Variants in C1orf146 observed in about 807,000 individuals in gnomAD.
The protein encoded by C1orf146 is chromosome 1 open reading frame 146, also known as protein SPO16 homolog.
Under a neutral mutation model 23.0 loss-of-function variants are expected in C1orf146, and 22 were observed. The observed-to-expected ratio is 0.96, with a 90% CI of 0.68 to 1.36. The LOEUF (loss-of-function observed/expected upper bound fraction) is 1.36. Among genes scored for constraint, C1orf146 ranks in the 40% most tolerant of loss-of-function variants. The probability of loss-of-function intolerance (pLI) is 0.00; values close to 1 mark genes in which losing one functional copy is unlikely to be tolerated. For missense variants in C1orf146, 199 were observed against 206.8 expected (o/e 0.96, Z 0.23); for synonymous variants, 59 against 65.3 (o/e 0.90, Z 0.47).
intron 1 of C1orf146, among the ~76,000 whole-genome samples, chr1:92,221,495 A>G (rs77066236): frequency 0.02 from 2,973 of 152,310 alleles, 120 homozygotes; most frequent in African/African-American, 0.067. Context: ...AAAAGTTGAA[A>G]TTTAAAAAGA....
rs146144941 is a variant in C1orf146 at position 92,222,338 on chromosome 1, A to ATG, written c.-40+4294_-40+4295dup. 2.7e-3 allele frequency among the ~76,000 whole-genome samples: 411 copies of ATG among 152,266 alleles called. 1 individual carries two copies. The highest frequency in any genetic ancestry group is 8.9e-3 in the African/African-American group (370 of 41,550). ...TGTATATATAACATATACAACATGC[A>ATG]TGTGTATATATAATGTAACATGCAT... On this transcript the variant is annotated intron_variant, in intron 1 of 5. Transcript: ENST00000370375.
chr1:92,234,866 C>T (rs894897518), intron 2 of C1orf146, among the ~76,000 whole-genome samples: 11 of 152,170 alleles, frequency 7.2e-5, no homozygotes, highest in Admixed American at 2.6e-4. Flanking sequence ...AGGAATTTAT[C>T]CATTTATTCT....
chr1:92,229,408 C>T (rs991433825), intron 1 of C1orf146: 4 of 532,646 alleles, frequency 7.5e-6, no homozygotes, highest in African/African-American at 1.9e-5. Context: ...ATGACCTGGC[C>T]GTCGGGCAGC....
At chr1:92,238,256 A>G (rs1488220555) in intron 2 of C1orf146, among the ~76,000 whole-genome samples, 2 of 152,294 alleles carry the variant, frequency 1.3e-5, no homozygotes, top group East Asian at 1.9e-4. Context: ...AGTTTTAAAT[A>G]TTATTAATAG....
At chr1:92,231,085 C>T (rs916498169) in intron 1 of C1orf146, among the ~76,000 whole-genome samples, 1 of 152,174 alleles carries the variant, frequency 6.6e-6, no homozygotes, top group Non-Finnish European at 1.5e-5. Flanking sequence ...CTCTGGCAGG[C>T]TAACTTTTTA....
chr1:92,243,107 C>T (rs1438011428), intron 3 of C1orf146, among the ~76,000 whole-genome samples: 1 of 152,146 alleles, frequency 6.6e-6, no homozygotes, highest in East Asian at 1.9e-4. Flanking sequence ...ATTTATCCTT[C>T]TGACAAATCT....
chr1:92,244,694 T>G, intron 4 of C1orf146, 85 bp from the exon 5 acceptor site: 1 of 872,608 alleles, frequency 1.1e-6, no homozygotes, highest in Non-Finnish European at 1.9e-6. Context: ...TAACAAACAA[T>G]AGAGATTTGT....
chr1:92,231,376 T>G lies in C1orf146; in HGVS notation c.-39-6T>G. The G allele has an allele frequency of 1.5e-6, 2 of 1,333,558 alleles. No individual in the cohort carries two copies. Among genetic ancestry groups the G allele is most frequent in the Non-Finnish European group, 2.1e-6 (2 of 957,086 alleles). The allele number at this position is 1,333,558 out of a possible 1,614,324, so 82.6% of individuals were successfully genotyped here. A position where few individuals can be genotyped will look rare whatever the true frequency, so the allele number is the denominator to read the frequency against. On this transcript the variant is annotated splice_region_variant and splice_polypyrimidine_tract_variant and intron_variant, in intron 1 of 5. Transcript: ENST00000370375. ...TTTGCATTCTTTGTGTTCTTAATTTTCTCAGATTGTTGCACCATTAGAAGC... is the reference window on the plus strand; with the variant it reads ...TTTGCATTCTTTGTGTTCTTAATTTGCTCAGATTGTTGCACCATTAGAAGC...
intron 1 of C1orf146, among the ~76,000 whole-genome samples, chr1:92,226,231 C>A (rs1651964108): frequency 6.6e-6 from 1 of 151,968 alleles, no homozygotes; most frequent in African/African-American, 2.4e-5. Flanking sequence ...CACTTTGATT[C>A]CTCTGACTTC....
chr1:92,245,356 T>C (rs1436731391), intron 5 of C1orf146, among the ~76,000 whole-genome samples, 184 bp from the exon 6 acceptor site: 2 of 152,328 alleles, frequency 1.3e-5, no homozygotes, highest in Non-Finnish European at 2.9e-5. Context: ...GCTTGCATGT[T>C]TAAAATTCCT....
chr1:92,239,109 T>G (rs1327744777), intron 2 of C1orf146, among the ~76,000 whole-genome samples: 1 of 152,208 alleles, frequency 6.6e-6, no homozygotes, highest in Non-Finnish European at 1.5e-5. Flanking sequence ...TTTTACATTT[T>G]TAAACATATC....
chr1:92,226,335 A>G (rs1651967045), intron 1 of C1orf146, among the ~76,000 whole-genome samples: 1 of 152,162 alleles, frequency 6.6e-6, no homozygotes, highest in South Asian at 2.1e-4. Context: ...GGAAAAATAG[A>G]GAAACTTTGC....
Position 92,242,195 on chromosome 1 carries a change from G to T in C1orf146, c.67-17G>T. The T allele has an allele frequency of 1.4e-6, 2 of 1,459,246 alleles. No homozygotes were observed. Among genetic ancestry groups the T allele is most frequent in the Non-Finnish European group, 9.4e-7 (1 of 1,060,002 alleles). 90.4% of individuals were successfully genotyped at this position (1,459,246 alleles called of 1,614,324 possible). ...AAGCATGCCTTAAATTTGTATTTCT[G>T]ATATTTTTTAAAAAAGAGTTATGAA... On this transcript the variant is annotated splice_polypyrimidine_tract_variant and intron_variant, in intron 2 of 5. Coordinates refer to ENST00000370375, the MANE Select transcript of C1orf146 (RefSeq NM_001012425.2).
At chr1:92,235,958 G>A (rs558605078) in intron 2 of C1orf146, among the ~76,000 whole-genome samples, 1 of 152,048 alleles carries the variant, frequency 6.6e-6, no homozygotes, top group Admixed American at 6.6e-5. Flanking sequence ...TTTTCCATTT[G>A]TTTGGTAGAT....
intron 3 of C1orf146, among the ~76,000 whole-genome samples, chr1:92,242,968 C>T (rs1189087668): frequency 1.3e-5 from 2 of 152,148 alleles, no homozygotes; most frequent in African/African-American, 4.8e-5. Flanking sequence ...AAAAAAGCTC[C>T]TAGAATAGAT....
chr1:92,228,967 T>C (rs1570789054), intron 1 of C1orf146: 1 of 441,358 alleles, frequency 2.3e-6, no homozygotes, highest in South Asian at 1.9e-5. Context: ...TTTATACTTC[T>C]GAATTAACCC....
At chr1:92,219,044 T>C (rs1651755118) in intron 1 of C1orf146, among the ~76,000 whole-genome samples, 1 of 152,228 alleles carries the variant, frequency 6.6e-6, no homozygotes, top group Non-Finnish European at 1.5e-5. Context: ...TGTATAAGGG[T>C]GTAAAGATTT....
intron 2 of C1orf146, among the ~76,000 whole-genome samples, chr1:92,239,151 G>C (rs1255895458): frequency 6.6e-6 from 1 of 152,076 alleles, no homozygotes; most frequent in East Asian, 1.9e-4. Flanking sequence ...CTCAAGCTAG[G>C]TTTTATCTTC....
intron 1 of C1orf146, among the ~76,000 whole-genome samples, chr1:92,226,801 G>A (rs766232044): frequency 1.3e-5 from 2 of 151,978 alleles, no homozygotes; most frequent in Non-Finnish European, 1.5e-5. Context: ...GTCACTATTC[G>A]TTTTCTATTT....
Sources: gnomAD v4.1 joint callset for allele counts (sites outside exome capture counted in the v4.1 genomes callset) on GRCh38, gnomAD v4.1.1 for gene constraint, MANE v1.5 for transcripts, NCBI Gene and HGNC (gene_info 2026-07-23, HGNC 2026-07-21) for gene names.